ALDH3A2: variants seen among roughly 807,000 people sequenced by gnomAD.
The protein encoded by ALDH3A2 is aldehyde dehydrogenase 3 family member A2.
A neutral mutation model predicts 51.3 loss-of-function variants in ALDH3A2; 36 were observed. The observed-to-expected ratio is 0.70, with a 90% CI of 0.54 to 0.93. The LOEUF (loss-of-function observed/expected upper bound fraction) is 0.93. Among genes scored for constraint, ALDH3A2 ranks in the 40% least tolerant of loss-of-function variants. ALDH3A2 has a pLI of 0.00. For missense variants in ALDH3A2, 552 were observed against 603.1 expected (o/e 0.92, Z 0.89); for synonymous variants, 199 against 219.8 (o/e 0.91, Z 0.84).
Position 19,652,586 on chromosome 17 carries a change from A to G in ALDH3A2, c.425A>G (p.Asn142Ser). Residue 142 changes from asparagine (N) to serine (S), a missense_variant, in exon 3 of 10, where the codon AAT becomes AGT. Physicochemically the swap from Asn to Ser is conservative, Grantham distance 46. Transcript: ENST00000176643. Reference sequence around the variant, plus strand: ...ATAAAGCCTTCTGAACTGAGTGAAAATACAGCCAAGATCTTGGCAAAGCTT... The same window carrying G: ...ATAAAGCCTTCTGAACTGAGTGAAAGTACAGCCAAGATCTTGGCAAAGCTT... ...VIIKPSELSENTAKILAKLLP... is the reference protein window; with the variant it reads ...VIIKPSELSESTAKILAKLLP... The G allele has an allele frequency of 4.3e-6, 7 of 1,614,164 alleles. No homozygotes were observed. The highest frequency in any genetic ancestry group is 5.9e-6 in the Non-Finnish European group (7 of 1,179,982).
At position 19,671,632 on chromosome 17, in the gene ALDH3A2, G is replaced by A. The variant is rs998032492; in HGVS notation, c.1208-89G>A. 1.1e-4 allele frequency: 124 copies of A among 1,108,454 alleles called. No individual in the cohort carries two copies. In the African/African-American group the frequency reaches 1.8e-3, roughly 16 times the overall value. The allele number at this position is 1,108,454 out of a possible 1,614,324, so 68.7% of individuals were successfully genotyped here. ...CAGTGGGGTTCCCAGGCAGCAGGGA[G>A]TGCATGTGAGCTTTCCCGGTCGTTG... On this transcript the variant is annotated intron_variant, in intron 8 of 9. Coordinates refer to ENST00000176643, the MANE Select transcript of ALDH3A2 (RefSeq NM_000382.3).
chr17:19,676,991 C>T lies in ALDH3A2; in HGVS notation c.*1419C>T, dbSNP rs2085199991. 1 of 152,212 alleles carries T rather than the reference C, an allele frequency of 6.6e-6. No individual in the cohort carries two copies. Among genetic ancestry groups the T allele is most frequent in the African/African-American group, 2.4e-5 (1 of 41,444 alleles). The allele number at this position is 152,212 out of a possible 1,614,324, so 9.4% of individuals were successfully genotyped here. On this transcript the variant is annotated 3_prime_UTR_variant, in exon 10 of 10. Transcript: ENST00000176643. ...TGGTCATACTGAAGGGAATTGATGG[C>T]AAGAGGATCCCCTGAGCAAGTCAGA...
rs1040611488 is a variant in ALDH3A2, at chr17:19,654,864, A to G, written c.472-1502A>G. 5.3e-5 allele frequency among the ~76,000 whole-genome samples: 8 copies of G among 152,074 alleles called. No homozygotes were observed. Among genetic ancestry groups the G allele is most frequent in the African/African-American group, 1.7e-4 (7 of 41,418 alleles). ...GAGCAAGGGTTGCCCGCACGCTCTC[A>G]CCTCTCACCCAGCCTATAAGAGTAC... is the stretch of plus-strand genomic sequence containing the variant. On this transcript the variant is annotated intron_variant, in intron 3 of 9. Coordinates refer to ENST00000176643, the MANE Select transcript of ALDH3A2 (RefSeq NM_000382.3). This position sits in a 1 kb window ranked among gnomAD's most constrained non-coding sequence, Gnocchi z 4.5.
chr17:19,651,069 C>T (rs1439338149), intron 1 of ALDH3A2, among the ~76,000 whole-genome samples: 4 of 152,152 alleles, frequency 2.6e-5, no homozygotes, highest in Admixed American at 6.5e-5. Flanking sequence ...GTTCCCTGTC[C>T]TCAAGAGTTT....
intron 1 of ALDH3A2, among the ~76,000 whole-genome samples, chr17:19,651,064 C>T: frequency 6.6e-6 from 1 of 152,184 alleles, no homozygotes; most frequent in East Asian, 1.9e-4. Context: ...AATAAGTTCC[C>T]TGTCCTCAAG....
chr17:19,670,440 C>T (rs1001999655), intron 8 of ALDH3A2, among the ~76,000 whole-genome samples: 2 of 152,100 alleles, frequency 1.3e-5, no homozygotes, highest in African/African-American at 4.8e-5. Flanking sequence ...TGCAGTGTGG[C>T]ACAATCATAG....
chr17:19,661,071 C>T, intron 5 of ALDH3A2, 56 bp from the exon 6 acceptor site: 1 of 1,563,974 alleles, frequency 6.4e-7, no homozygotes. Context: ...TTTGTACTTA[C>T]TGAAATTGAA....
intron 9 of ALDH3A2, chr17:19,673,282 A>ATC (rs1397572356): frequency 6.2e-7 from 1 of 1,613,622 alleles, no homozygotes; most frequent in South Asian, 1.1e-5. Flanking sequence ...TGAGGTAGGA[A>ATC]CTTTTTGTTT....
intron 9 of ALDH3A2, chr17:19,673,070 G>A (rs963261186): frequency 2.5e-6 from 4 of 1,577,060 alleles, no homozygotes; most frequent in Admixed American, 1.7e-5. Context: ...ATTTGAAAGG[G>A]GTTTGGCTCA....
At chr17:19,649,451 T>C in intron 1 of ALDH3A2, 1 of 283,686 alleles carries the variant, frequency 3.5e-6, no homozygotes. Flanking sequence ...GTCAGTTTAC[T>C]GTATTGTGGA....
chr17:19,648,950 C>A lies in ALDH3A2; in HGVS notation c.-22C>A. 1 of 1,573,694 alleles carries A rather than the reference C, an allele frequency of 6.4e-7. No individual in the cohort carries two copies. The highest frequency in any genetic ancestry group is 1.2e-5 in the South Asian group (1 of 86,090). On this transcript the variant is annotated 5_prime_UTR_variant, in exon 1 of 10. Transcript: ENST00000176643. ...CACTCCCCAGCGCCCCCGGACCGTG[C>A]AGTTCTCTGCAGGACCAGGCCATGG...
At chr17:19,673,339 T>C (rs2085144333) in intron 9 of ALDH3A2, 2 of 1,514,974 alleles carry the variant, frequency 1.3e-6, no homozygotes, top group Non-Finnish European at 1.8e-6. Flanking sequence ...TTTTCAAGGG[T>C]TTTTTGGTTT....
intron 7 of ALDH3A2, among the ~76,000 whole-genome samples, chr17:19,664,206 G>A (rs1407107865): frequency 6.6e-6 from 1 of 152,186 alleles, no homozygotes; most frequent in Non-Finnish European, 1.5e-5. Context: ...AGTAAAGACT[G>A]GGTTATTAAC....
intron 9 of ALDH3A2, 132 bp downstream of exon 9, chr17:19,672,088 C>T (rs2085124547): frequency 2.3e-6 from 2 of 865,620 alleles, no homozygotes; most frequent in East Asian, 5.1e-5. Context: ...GCCTGCTGGC[C>T]AGCTACCCGT....
intron 1 of ALDH3A2, among the ~76,000 whole-genome samples, chr17:19,650,899 A>C (rs112167573): frequency 6.6e-6 from 1 of 152,184 alleles, no homozygotes; most frequent in Non-Finnish European, 1.5e-5. Flanking sequence ...CAACTATGAA[A>C]TTTCTTTTAG....
At position 19,651,654 on chromosome 17, in the gene ALDH3A2, C is replaced by G. The variant is rs758891042; in HGVS notation, c.261C>G (p.Asn87Lys). 1 of 1,614,174 alleles carries G rather than the reference C, an allele frequency of 6.2e-7. No homozygotes were observed. Among genetic ancestry groups the G allele is most frequent in the Middle Eastern group, 1.6e-4 (1 of 6,062 alleles). ...EWVTAKPVKK[N>K]VLTMLDEAYI... is the part of the protein sequence containing the mutation. ...TTACTGCTAAACCAGTTAAGAAGAA[C>G]GTGCTCACCATGCTGGATGAGGCCT... Residue 87 changes from asparagine to lysine, a missense_variant, in exon 2 of 10, where the codon AAC becomes AAG. Asn to Lys is a moderately conservative substitution (Grantham distance 94). Coordinates refer to ENST00000176643, the MANE Select transcript of ALDH3A2 (RefSeq NM_000382.3).
In ALDH3A2 at chr17:19,649,008, C is replaced by A. The variant is rs762944599; in HGVS notation, c.37C>A (p.Leu13Met). 3.2e-6 allele frequency: 5 copies of A among 1,584,398 alleles called. No homozygotes were observed. The Admixed American group carries it at 7.3e-5, about 23-fold the overall frequency. ...AGTCCGGCGGGTCCGACAGGCGTTC[C>A]TGTCCGGCCGGTCGCGACCTCTGCG... Reference protein sequence around the residue: ...LEVRRVRQAFLSGRSRPLRFR... With the variant: ...LEVRRVRQAFMSGRSRPLRFR... The change falls in exon 1 of 10, where the codon CTG becomes ATG. Residue 13 changes from leucine (L) to methionine (M), a missense_variant. Physicochemically the swap from Leu to Met is conservative, Grantham distance 15 (BLOSUM62 2). Coordinates refer to ENST00000176643, the MANE Select transcript of ALDH3A2 (RefSeq NM_000382.3).
At chr17:19,651,321 A>T (rs1330553501) in intron 1 of ALDH3A2, among the ~76,000 whole-genome samples, 1 of 152,252 alleles carries the variant, frequency 6.6e-6, no homozygotes, top group Non-Finnish European at 1.5e-5. Flanking sequence ...GACTAGTGTT[A>T]CTACTCCCTG....
intron 3 of ALDH3A2, among the ~76,000 whole-genome samples, chr17:19,655,585 G>T (rs1398504088): frequency 1.3e-5 from 2 of 152,162 alleles, no homozygotes; most frequent in East Asian, 3.9e-4. Flanking sequence ...AAATTAATTC[G>T]CCTTCAAGTG....
Sources: allele counts gnomAD v4.1 joint callset (sites outside exome capture counted in the v4.1 genomes callset), GRCh38; gene constraint gnomAD v4.1.1; non-coding constraint Gnocchi (gnomAD v3.1); transcripts MANE v1.5; gene names NCBI Gene and HGNC (gene_info 2026-07-23, HGNC 2026-07-21).